Variants in ZDHHC14 observed in about 807,000 individuals in gnomAD.
ZDHHC14 encodes the protein palmitoyltransferase ZDHHC14.
Under a neutral mutation model 47.7 loss-of-function variants are expected in ZDHHC14, and 16 were observed. The observed-to-expected ratio is 0.34, with a 90% confidence interval of 0.23 to 0.51. ZDHHC14 has a LOEUF of 0.51. Among genes scored for constraint, ZDHHC14 ranks in the 20% least tolerant of loss-of-function variants. ZDHHC14 has a pLI of 0.97. For missense variants in ZDHHC14, 515 were observed against 662.5 expected, an observed-to-expected ratio of 0.78 and a Z score of 2.44; for synonymous variants, 293 against 278.9, an observed-to-expected ratio of 1.05 and a Z score of -0.50.
intron 8 of ZDHHC14, among the ~76,000 whole-genome samples, chr6:157,665,087 G>A (rs138197835): frequency 6.6e-6 from 1 of 152,314 alleles, no homozygotes; most frequent in Non-Finnish European, 1.5e-5. Context: ...CTTACCTTGT[G>A]AGTTTCCCTT....
chr6:157,386,245 G>A (rs138997320), intron 1 of ZDHHC14, among the ~76,000 whole-genome samples: 21 of 152,278 alleles, frequency 1.4e-4, no homozygotes, highest in African/African-American at 5.1e-4. Flanking sequence ...AGTGGTTCAC[G>A]CCTTTAATCC....
rs1783556146 is a variant in ZDHHC14 at position 157,582,596 on chromosome 6, T to C, written c.407-10392T>C. 6.6e-6 allele frequency among the ~76,000 whole-genome samples: 1 copy of C among 152,254 alleles called. No individual in the cohort carries two copies. The highest frequency in any genetic ancestry group is 1.5e-5 in the Non-Finnish European group (1 of 68,040). On this transcript the variant is annotated intron_variant, in intron 2 of 8. Coordinates refer to ENST00000359775, the MANE Select transcript of ZDHHC14 (RefSeq NM_024630.3). The surrounding 1 kb of genome is among the most constrained non-coding windows in gnomAD (Gnocchi z 4.3). ...CTTTTAGGGCTTCTGCTGAAAGATCTGCTGTTAGCCTGATAGGGCTCCCTT... is the reference window on the plus strand; with the variant it reads ...CTTTTAGGGCTTCTGCTGAAAGATCCGCTGTTAGCCTGATAGGGCTCCCTT...
chr6:157,436,566 A>G (rs1028738909), intron 1 of ZDHHC14, among the ~76,000 whole-genome samples: 1 of 106,026 alleles, frequency 9.4e-6, no homozygotes, highest in African/African-American at 3.7e-5. Context: ...AGTCATGAGG[A>G]CTTGAACTGC....
chr6:157,421,976 G>A (rs368309713), intron 1 of ZDHHC14, among the ~76,000 whole-genome samples: 3 of 152,128 alleles, frequency 2.0e-5, no homozygotes, highest in South Asian at 2.1e-4. Context: ...TATTGAACTC[G>A]TTCTAGGCTT....
intron 3 of ZDHHC14, among the ~76,000 whole-genome samples, chr6:157,606,732 G>T (rs1358685750): frequency 1.3e-5 from 2 of 152,232 alleles, no homozygotes; most frequent in African/African-American, 2.4e-5. Flanking sequence ...CTCACCCGCG[G>T]TCAAGAACTT....
chr6:157,398,601 A>G (rs1777570164), intron 1 of ZDHHC14, among the ~76,000 whole-genome samples: 1 of 152,202 alleles, frequency 6.6e-6, no homozygotes. Flanking sequence ...CCCCACCAAG[A>G]TAGAATAATG....
chr6:157,662,372 G>A (rs895524656), intron 8 of ZDHHC14, among the ~76,000 whole-genome samples: 4 of 152,152 alleles, frequency 2.6e-5, no homozygotes, highest in African/African-American at 9.7e-5. Context: ...AGTACAGACA[G>A]GGTTTCACCA....
intron 1 of ZDHHC14, 68 bp downstream of exon 1, chr6:157,382,334 G>C (rs1007550195): frequency 1.3e-6 from 2 of 1,559,004 alleles, no homozygotes; most frequent in Non-Finnish European, 1.7e-6. Flanking sequence ...GCCCCTCCTC[G>C]GGCTGCTTTC....
chr6:157,446,787 A>T (rs930683138), intron 1 of ZDHHC14, among the ~76,000 whole-genome samples: 1 of 152,176 alleles, frequency 6.6e-6, no homozygotes, highest in African/African-American at 2.4e-5. Context: ...TTATATGCTG[A>T]TGTATGCATG....
intron 1 of ZDHHC14, among the ~76,000 whole-genome samples, chr6:157,404,345 G>C (rs1281959934): frequency 6.6e-6 from 1 of 152,150 alleles, no homozygotes; most frequent in African/African-American, 2.4e-5. Context: ...ATGTTGGCCA[G>C]ACTGGTCTCG....
chr6:157,465,339 A>T (rs1779186729), intron 1 of ZDHHC14, among the ~76,000 whole-genome samples: 1 of 151,814 alleles, frequency 6.6e-6, no homozygotes, highest in Non-Finnish European at 1.5e-5. Context: ...TGTGGTTCTG[A>T]CTCACTGTTA....
chr6:157,425,504 A>C (rs1778200317), intron 1 of ZDHHC14, among the ~76,000 whole-genome samples: 1 of 152,198 alleles, frequency 6.6e-6, no homozygotes, highest in African/African-American at 2.4e-5. Flanking sequence ...GATAGCGGAC[A>C]TTGTGTCTTG....
At chr6:157,383,409 A>G (rs1777252772) in intron 1 of ZDHHC14, among the ~76,000 whole-genome samples, 1 of 152,188 alleles carries the variant, frequency 6.6e-6, no homozygotes, top group South Asian at 2.1e-4. Context: ...AGGCTCAATT[A>G]AAACCTTTTG....
intron 1 of ZDHHC14, among the ~76,000 whole-genome samples, chr6:157,402,323 G>T (rs935232383): frequency 1.5e-4 from 22 of 143,200 alleles, no homozygotes; most frequent in African/African-American, 4.9e-4. Flanking sequence ...TGCTGAGGTC[G>T]CAGTTGCAGT....
chr6:157,571,577 C>T (rs1271114067), intron 2 of ZDHHC14, among the ~76,000 whole-genome samples: 3 of 152,106 alleles, frequency 2.0e-5, no homozygotes, highest in Non-Finnish European at 4.4e-5. Context: ...AAGTGGCTTG[C>T]ATCTTTCTCT....
chr6:157,491,908 G>A (rs1303451147), intron 1 of ZDHHC14, among the ~76,000 whole-genome samples: 2 of 152,210 alleles, frequency 1.3e-5, no homozygotes, highest in Non-Finnish European at 2.9e-5. Flanking sequence ...GTCGAATTAC[G>A]TCTTGTGCGG....
At position 157,603,198 on chromosome 6, in the gene ZDHHC14, A is replaced by G. The variant is rs576011316; in HGVS notation, c.565+10052A>G. ...AACGCTTTGTGAAGCAAGTGTTTAC[A>G]ATGAATCCAGAAGCACTTATGGAGT... On this transcript the variant is annotated intron_variant, in intron 3 of 8. Coordinates refer to ENST00000359775, the MANE Select transcript of ZDHHC14 (RefSeq NM_024630.3). Among the ~76,000 whole-genome samples, 283 of 152,350 alleles carry G rather than the reference A, an allele frequency of 1.9e-3. 2 individuals are homozygous for G. Among genetic ancestry groups the G allele is most frequent in the African/African-American group, 6.2e-3 (256 of 41,586 alleles).
rs1284429244 is a variant in ZDHHC14 at position 157,540,910 on chromosome 6, G to GTGTGTGTGTGTGTGTGTGTA, written c.246-1674_246-1673insGTGTGTGTGTGTGTGTGTAT. 2.1e-3 allele frequency among the ~76,000 whole-genome samples: 256 copies of GTGTGTGTGTGTGTGTGTGTA among 122,924 alleles called. 2 individuals carry two copies. The highest frequency in any genetic ancestry group is 0.01 in the African/African-American group (236 of 23,016). 80.6% of individuals were successfully genotyped at this position (122,924 alleles called of 152,430 possible). ...TGTATGTGTGTGTGTGTGTGTGTGTGTATATATATATATATATATATATAA... is the reference window on the plus strand; with the variant it reads ...TGTATGTGTGTGTGTGTGTGTGTGTGTGTGTGTGTGTGTGTGTGTATATATATATATATATATATATATAA... On this transcript the variant is annotated intron_variant, in intron 1 of 8. Coordinates refer to ENST00000359775, the MANE Select transcript of ZDHHC14 (RefSeq NM_024630.3).
intron 2 of ZDHHC14, among the ~76,000 whole-genome samples, chr6:157,581,318 T>A (rs746761650): frequency 1.3e-5 from 2 of 151,586 alleles, no homozygotes; most frequent in Non-Finnish European, 2.9e-5. Context: ...TTTAATTTGC[T>A]GAGGATTGTT....
Sources: allele counts gnomAD v4.1 joint callset (sites outside exome capture counted in the v4.1 genomes callset), GRCh38; gene constraint gnomAD v4.1.1; non-coding constraint Gnocchi (gnomAD v3.1); transcripts MANE v1.5; gene names NCBI Gene and HGNC (gene_info 2026-07-23, HGNC 2026-07-21).